The following DDX18 variants were observed in gnomAD, a reference collection of about 807,000 sequenced individuals.
The protein encoded by DDX18 is ATP-dependent RNA helicase DDX18.
In DDX18, 23 loss-of-function variants were observed where a neutral mutation model predicts 73.5. That is an observed-to-expected ratio of 0.31 (90% CI 0.23 to 0.44). DDX18 has a LOEUF of 0.44. DDX18 is among the 20% of genes least tolerant of loss of function. DDX18 has a pLI of 1.00. For synonymous variants in DDX18, 268 were observed against 282.7 expected, an observed-to-expected ratio of 0.95 and a Z score of 0.52; for missense variants, 753 against 792.9, an observed-to-expected ratio of 0.95 and a Z score of 0.60.
rs753230321 is a variant in DDX18 at position 117,828,964 on chromosome 2, T to C, written c.1651T>C (p.Phe551Leu). The C allele has an allele frequency of 6.8e-6, 11 of 1,611,690 alleles. No individual in the cohort carries two copies. The highest frequency in any genetic ancestry group is 1.7e-4 in the Middle Eastern group (1 of 6,058). Residue 551 changes from phenylalanine to leucine, a missense_variant, in exon 12 of 14, where the codon TTT becomes CTT. Around this residue, in one of 3 missense-constraint regions of DDX18, gnomAD observed 402 missense variants for 419.4 expected, o/e 0.96. Transcript: ENST00000263239. ...LKQSKVPLSE[F>L]DFSWSKISDI... The stretch of plus-strand genomic sequence containing the variant: ...TGATTTCTAGGTTCCATTAAGTGAA[T>C]TTGACTTTTCCTGGTCTAAAATTTC...
In DDX18 at chr2:117,819,788, G is replaced by C; in HGVS notation, c.510G>C (p.Leu170=). The C allele has an allele frequency of 6.3e-7, 1 of 1,576,202 alleles. No homozygotes were observed. Among genetic ancestry groups the C allele is most frequent in the Non-Finnish European group, 8.6e-7 (1 of 1,166,636 alleles). ...AGGTGCCCAGTCTGCCCCTGGGACT[G>C]ACAGGTAACGTCCAGGAAGTTTTCT... ...ESEVPSLPLG[L]TGAFEDTSFA... Residue 170 remains leucine, a synonymous_variant, in exon 3 of 14, where the codon CTG becomes CTC. Transcript: ENST00000263239.
chr2:117,816,442 G>A (rs1427195797), intron 1 of DDX18, among the ~76,000 whole-genome samples: 1 of 150,296 alleles, frequency 6.7e-6, no homozygotes, highest in African/African-American at 2.5e-5. Context: ...TAAGCTTTTT[G>A]TTAAAAATGT....
chr2:117,823,535 G>C (rs1339758710), intron 7 of DDX18, among the ~76,000 whole-genome samples: 6 of 152,098 alleles, frequency 3.9e-5, no homozygotes, highest in Non-Finnish European at 8.8e-5. Context: ...AGTTAATCCT[G>C]TACCGAATGA....
chr2:117,830,480 TGTGG>T, intron 13 of DDX18, 98 bp from the exon 14 acceptor site: 1 of 1,337,824 alleles, frequency 7.5e-7, no homozygotes, highest in East Asian at 2.5e-5. Flanking sequence ...AGAATGGGGT[TGTGG>T]AGGAACAGTA....
chr2:117,823,447 A>C (rs900285690), intron 7 of DDX18, among the ~76,000 whole-genome samples: 1 of 152,170 alleles, frequency 6.6e-6, no homozygotes, highest in Non-Finnish European at 1.5e-5. Flanking sequence ...TAATATATAC[A>C]TATATACACA....
chr2:117,819,184 C>G (rs1254223000), intron 2 of DDX18, among the ~76,000 whole-genome samples: 1 of 152,152 alleles, frequency 6.6e-6, no homozygotes, highest in African/African-American at 2.4e-5. Flanking sequence ...CCCTGCCTTT[C>G]CTCCCACCCT....
chr2:117,829,547 T>G, intron 13 of DDX18, 81 bp downstream of exon 13: 1 of 1,331,598 alleles, frequency 7.5e-7, no homozygotes, highest in Non-Finnish European at 1.0e-6. Flanking sequence ...TTGCAGTGGA[T>G]TGGTATGTGT....
rs1680036900 is a variant in DDX18 at position 117,832,137 on chromosome 2, G to C, written c.*1413G>C. 6.6e-6 allele frequency: 1 copy of C among 151,510 alleles called. No homozygotes were observed. Among genetic ancestry groups the C allele is most frequent in the African/African-American group, 2.4e-5 (1 of 41,114 alleles). 9.4% of individuals were successfully genotyped at this position (151,510 alleles called of 1,614,324 possible). A position where few individuals can be genotyped will look rare whatever the true frequency, so the allele number is the denominator to read the frequency against. On this transcript the variant is annotated 3_prime_UTR_variant, in exon 14 of 14. Coordinates refer to ENST00000263239, the MANE Select transcript of DDX18 (RefSeq NM_006773.4). ...GTTTAATAATTCTCTCCACGATCAT[G>C]TTTTTCTGATTTTTTTTTTCAGAAA...
At chr2:117,821,112 T>C in intron 3 of DDX18, 49 bp from the exon 4 acceptor site, 3 of 1,368,388 alleles carry the variant, frequency 2.2e-6, no homozygotes, top group Non-Finnish European at 2.8e-6. Context: ...AGCAATACTT[T>C]TTTAAAAAAA....
intron 11 of DDX18, chr2:117,828,680 C>T: frequency 3.1e-6 from 1 of 326,388 alleles, no homozygotes. Flanking sequence ...TGCAAATAGT[C>T]AGGATTATAG....
At chr2:117,819,927 T>A (rs1453241370) in intron 3 of DDX18, 135 bp downstream of exon 3, 2 of 771,374 alleles carry the variant, frequency 2.6e-6, no homozygotes, top group African/African-American at 3.6e-5. Flanking sequence ...TTTTTTTATA[T>A]CTTTCTGCTG....
At chr2:117,825,235 T>A in intron 9 of DDX18, 134 bp downstream of exon 9, 1 of 1,291,212 alleles carries the variant, frequency 7.7e-7, no homozygotes, top group Non-Finnish European at 1.1e-6. Flanking sequence ...ATGGATCCTG[T>A]GTGGGGGAGC....
At chr2:117,827,471 A>C in intron 11 of DDX18, 1 of 150,682 alleles carries the variant, frequency 6.6e-6, no homozygotes, top group East Asian at 2.0e-4. Context: ...ATATATCCTA[A>C]TGCTATCCCT....
chr2:117,831,233 AAG>A lies in DDX18; in HGVS notation c.*512_*513del, dbSNP rs1680019886. 6.6e-6 allele frequency: 1 copy of A among 152,546 alleles called. No individual in the cohort carries two copies. Among genetic ancestry groups the A allele is most frequent in the African/African-American group, 2.4e-5 (1 of 41,442 alleles). 9.4% of individuals were successfully genotyped at this position (152,546 alleles called of 1,614,324 possible). A position where few individuals can be genotyped will look rare whatever the true frequency, so the allele number is the denominator to read the frequency against. On this transcript the variant is annotated 3_prime_UTR_variant, in exon 14 of 14. Transcript: ENST00000263239. ...TCCTCCTGAAAATGCTGCAGTATAAAAGAGCAAAGAGCTTTGGGAAATACCTA... is the reference window on the plus strand; with the variant it reads ...TCCTCCTGAAAATGCTGCAGTATAAAAGCAAAGAGCTTTGGGAAATACCTA...
At chr2:117,818,441 A>T (rs1373484432) in intron 2 of DDX18, among the ~76,000 whole-genome samples, 2 of 152,204 alleles carry the variant, frequency 1.3e-5, no homozygotes, top group African/African-American at 4.8e-5. Context: ...CCTGAGTTGG[A>T]ACATCCTATT....
At position 117,824,671 on chromosome 2, in the gene DDX18, A is replaced by T; in HGVS notation, c.1169A>T (p.Asp390Val). Residue 390 changes from aspartate (D) to valine (V), a missense_variant, in exon 8 of 14, where the codon GAT (aspartate) becomes GTT (valine). Asp to Val is a radical substitution (Grantham distance 152, BLOSUM62 -3). Transcript: ENST00000263239. The part of the protein sequence containing the change: ...KKEPLYVGVD[D>V]DKANATVDGL... ...GAGCCATTGTATGTTGGCGTTGATG[A>T]TGATAAAGCGAATGCAACAGTGGAT... 6.7e-6 allele frequency: 10 copies of T among 1,483,938 alleles called. No homozygotes were observed. Among genetic ancestry groups the T allele is most frequent in the Non-Finnish European group, 8.9e-6 (10 of 1,117,910 alleles). The allele number at this position is 1,483,938 out of a possible 1,614,324, so 91.9% of individuals were successfully genotyped here.
chr2:117,828,713 TACTG>T, intron 11 of DDX18: 1 of 492,296 alleles, frequency 2.0e-6, no homozygotes. Context: ...AAAAGTGCTT[TACTG>T]ACTGTGTCCC....
intron 3 of DDX18, among the ~76,000 whole-genome samples, chr2:117,820,498 T>C (rs910859358): frequency 2.6e-5 from 4 of 152,212 alleles, no homozygotes; most frequent in Non-Finnish European, 5.9e-5. Flanking sequence ...TGCTGGGATC[T>C]GGTGAGTAGA....
chr2:117,826,538 A>C (rs1679931082), intron 11 of DDX18, 156 bp downstream of exon 11: 1 of 688,846 alleles, frequency 1.5e-6, no homozygotes. Flanking sequence ...CTTCTAGCCC[A>C]AGAAGTGAGC....
Sources: gnomAD v4.1 joint callset for allele counts (sites outside exome capture counted in the v4.1 genomes callset) on GRCh38, gnomAD v4.1.1 for gene constraint, gnomAD v4.1.1 regional missense constraint, MANE v1.5 for transcripts, NCBI Gene and HGNC (gene_info 2026-07-23, HGNC 2026-07-21) for gene names.